Variants in CTNNA2 observed in about 807,000 individuals in gnomAD.
CTNNA2 encodes catenin alpha-2.
In CTNNA2, 42 loss-of-function variants were observed where a neutral mutation model predicts 101.0. That is an observed-to-expected ratio of 0.42 (90% CI 0.32 to 0.54). The LOEUF is 0.54. Among genes scored for constraint, CTNNA2 ranks in the 20% least tolerant of loss-of-function variants. CTNNA2 has a pLI of 0.14. For missense variants in CTNNA2, 871 were observed against 1,223.1 expected (o/e 0.71, Z 4.29); for synonymous variants, 450 against 456.4 (o/e 0.99, Z 0.18).
chr2:80,544,645 A>G (rs1691879183), intron 9 of CTNNA2, among the ~76,000 whole-genome samples: 3 of 152,102 alleles, frequency 2.0e-5, no homozygotes. Flanking sequence ...GATATGGCCG[A>G]GATCACAGGG....
intron 8 of CTNNA2, among the ~76,000 whole-genome samples, chr2:80,399,297 A>G (rs1678340515): frequency 6.6e-6 from 1 of 152,172 alleles, no homozygotes; most frequent in South Asian, 2.1e-4. Flanking sequence ...GGCCAAGTCC[A>G]AAGTACATTA....
At chr2:79,716,507 G>T (rs1235640506) in intron 2 of CTNNA2, among the ~76,000 whole-genome samples, 1 of 152,112 alleles carries the variant, frequency 6.6e-6, no homozygotes, top group Admixed American at 6.5e-5. Flanking sequence ...ATTGTTTGTT[G>T]TCCATGTGTT....
chr2:79,257,725 C>T (rs1674866480), intron 2 of CTNNA2, among the ~76,000 whole-genome samples: 1 of 151,816 alleles, frequency 6.6e-6, no homozygotes, highest in Non-Finnish European at 1.5e-5. Context: ...TCAAATTGTT[C>T]TGAACTGTCA....
At chr2:80,083,316 T>C (rs908740637) in intron 7 of CTNNA2, among the ~76,000 whole-genome samples, 7 of 152,134 alleles carry the variant, frequency 4.6e-5, no homozygotes, top group African/African-American at 1.7e-4. Context: ...GACTGAAACA[T>C]TTTGTTACGG....
chr2:80,501,102 T>A (rs1687848653), intron 9 of CTNNA2, among the ~76,000 whole-genome samples: 1 of 152,250 alleles, frequency 6.6e-6, no homozygotes, highest in Admixed American at 6.5e-5. Flanking sequence ...TTCTACTTAA[T>A]GGAAAACTGA....
At chr2:79,328,551 A>T (rs1276139941) in intron 3 of CTNNA2, among the ~76,000 whole-genome samples, 1 of 152,164 alleles carries the variant, frequency 6.6e-6, no homozygotes, top group Non-Finnish European at 1.5e-5. Flanking sequence ...CCTAGGAGGT[A>T]TTAAGGGCTG....
intron 1 of CTNNA2, among the ~76,000 whole-genome samples, chr2:79,640,100 C>T (rs1026746513): frequency 1.3e-5 from 2 of 152,014 alleles, no homozygotes; most frequent in Non-Finnish European, 2.9e-5. Context: ...AGGCACAAAA[C>T]TTAGGTAAAT....
intron 2 of CTNNA2, among the ~76,000 whole-genome samples, chr2:79,266,587 G>T (rs541503963): frequency 7.0e-4 from 106 of 152,204 alleles, no homozygotes; most frequent in Non-Finnish European, 1.4e-3. Context: ...TTTTCAGAAT[G>T]CTATCTTGAA....
At chr2:79,777,762 C>T (rs1004890123) in intron 3 of CTNNA2, among the ~76,000 whole-genome samples, 5 of 152,056 alleles carry the variant, frequency 3.3e-5, no homozygotes, top group African/African-American at 1.2e-4. Flanking sequence ...TATTATGTCC[C>T]AATTTCTAAC....
chr2:80,223,036 C>T (rs1708660756), intron 7 of CTNNA2, among the ~76,000 whole-genome samples: 1 of 152,136 alleles, frequency 6.6e-6, no homozygotes, highest in South Asian at 2.1e-4. Flanking sequence ...TGTACTCATG[C>T]AGCTCTCCAT....
At chr2:79,289,285 G>T (rs1473182176) in intron 2 of CTNNA2, among the ~76,000 whole-genome samples, 3 of 152,068 alleles carry the variant, frequency 2.0e-5, no homozygotes, top group Non-Finnish European at 4.4e-5. Context: ...TTCTTTGGGG[G>T]TTGTTTTGTT....
intron 7 of CTNNA2, among the ~76,000 whole-genome samples, chr2:80,283,266 G>C (rs974406990): frequency 6.6e-6 from 1 of 152,078 alleles, no homozygotes; most frequent in Non-Finnish European, 1.5e-5. Flanking sequence ...CTAAAGGTCA[G>C]GGTGCAGGGA....
intron 7 of CTNNA2, among the ~76,000 whole-genome samples, chr2:80,147,990 A>G (rs919383023): frequency 6.6e-6 from 1 of 152,238 alleles, no homozygotes; most frequent in Non-Finnish European, 1.5e-5. Context: ...AACAAGAATG[A>G]CATTTTAAAT....
chr2:79,404,005 T>A (rs547747302), intron 4 of CTNNA2, among the ~76,000 whole-genome samples: 65 of 151,750 alleles, frequency 4.3e-4, no homozygotes, highest in African/African-American at 1.5e-3. Flanking sequence ...GTTCAGTAGG[T>A]CTGTTATTTT....
chr2:80,553,474 A>C (rs1692764913), intron 11 of CTNNA2, among the ~76,000 whole-genome samples: 1 of 152,154 alleles, frequency 6.6e-6, no homozygotes, highest in African/African-American at 2.4e-5. Context: ...AGTCCTATTA[A>C]AAATACGTTT....
chr2:79,749,681 A>G lies in CTNNA2; in HGVS notation c.298+5099A>G, dbSNP rs548255047. 1.3e-3 allele frequency among the ~76,000 whole-genome samples: 197 copies of G among 152,320 alleles called. 1 individual carries two copies. Among genetic ancestry groups the G allele is most frequent in the African/African-American group, 4.4e-3 (184 of 41,570 alleles). On this transcript the variant is annotated intron_variant, in intron 3 of 18. Transcript: ENST00000402739. ...ATTGGCAGTTTGGCTAAGATATCCA[A>G]CTTCTAATCTAACTTTTACAAATAA...
intron 7 of CTNNA2, among the ~76,000 whole-genome samples, chr2:80,267,977 G>C (rs1235689332): frequency 6.6e-6 from 1 of 152,212 alleles, no homozygotes; most frequent in Non-Finnish European, 1.5e-5. Context: ...AAGAAAACTA[G>C]GTAGATATGG....
At chr2:80,104,723 C>T (rs887700570) in intron 7 of CTNNA2, among the ~76,000 whole-genome samples, 1 of 152,206 alleles carries the variant, frequency 6.6e-6, no homozygotes, top group Non-Finnish European at 1.5e-5. Flanking sequence ...GTTAATTCAG[C>T]AGCAGTAATT....
intron 4 of CTNNA2, among the ~76,000 whole-genome samples, chr2:79,383,680 T>C (rs990263806): frequency 1.3e-5 from 2 of 152,226 alleles, no homozygotes; most frequent in Non-Finnish European, 2.9e-5. Flanking sequence ...GGTTTTGGGC[T>C]TTAACAAATA....
Sources: gnomAD v4.1 joint callset for allele counts (sites outside exome capture counted in the v4.1 genomes callset) on GRCh38, gnomAD v4.1.1 for gene constraint, MANE v1.5 for transcripts, NCBI Gene and HGNC (gene_info 2026-07-23, HGNC 2026-07-21) for gene names.